ZNF385B: variants seen among roughly 807,000 people sequenced by gnomAD.
ZNF385B encodes the protein zinc finger protein 385B.
Under a neutral mutation model 39.2 loss-of-function variants are expected in ZNF385B, and 23 were observed. The observed-to-expected ratio is 0.59, with a 90% CI of 0.42 to 0.83. ZNF385B has a LOEUF of 0.83. Ranked by LOEUF, ZNF385B falls within the 40% of genes least tolerant of loss-of-function variation. ZNF385B has a pLI of 0.00. For synonymous variants in ZNF385B, 205 were observed against 222.6 expected (o/e 0.92, Z 0.70); for missense variants, 552 against 598.9 (o/e 0.92, Z 0.82).
intron 3 of ZNF385B, chr2:179,576,336 A>T (rs1685811745): frequency 4.0e-6 from 1 of 250,438 alleles, no homozygotes; most frequent in Non-Finnish European, 6.3e-6. Context: ...TCCATTTGAC[A>T]CATATGTCCT....
Position 179,450,018 on chromosome 2 carries a change from A to G in ZNF385B, c.716-3248T>C, listed in dbSNP as rs551194803. On this transcript the variant is annotated intron_variant, in intron 6 of 9. Transcript: ENST00000410066. ...AAATGGGGAAATGATTCCCTATTTA[A>G]TAAATGGTGCTGGGAAAACTGGCTA... Among the ~76,000 whole-genome samples the G allele has an allele frequency of 9.6e-3, 1,464 of 152,234 alleles. 22 individuals are homozygous for G. Among genetic ancestry groups the G allele is most frequent in the African/African-American group, 0.033 (1,355 of 41,528 alleles).
At chr2:179,726,623 CT>C (rs1701038364) in intron 3 of ZNF385B, among the ~76,000 whole-genome samples, 1 of 152,006 alleles carries the variant, frequency 6.6e-6, no homozygotes, top group Non-Finnish European at 1.5e-5. Flanking sequence ...ACAAGTCACC[CT>C]TGAGTGCTCC....
chr2:179,743,046 T>C (rs1000769915), intron 3 of ZNF385B, among the ~76,000 whole-genome samples: 7 of 152,070 alleles, frequency 4.6e-5, no homozygotes, highest in South Asian at 2.1e-4. Context: ...TTCTATGTAA[T>C]ACGACAAATG....
At position 179,756,670 on chromosome 2, in the gene ZNF385B, G is replaced by T. The variant is rs530900951; in HGVS notation, c.298+12833C>A. Among the ~76,000 whole-genome samples, 14 of 148,258 alleles carry T rather than the reference G, an allele frequency of 9.4e-5. No individual in the cohort carries two copies. In the South Asian group the frequency reaches 2.8e-3, roughly 30 times the overall value. On this transcript the variant is annotated intron_variant, in intron 3 of 9. Coordinates refer to ENST00000410066, the MANE Select transcript of ZNF385B (RefSeq NM_152520.6). ...TAGTCCCATATACCTTCGAGGCTTTGTTTGTTTCTTTTTACTCTTTTTTCT... is the reference window on the plus strand; with the variant it reads ...TAGTCCCATATACCTTCGAGGCTTTTTTTGTTTCTTTTTACTCTTTTTTCT...
intron 3 of ZNF385B, among the ~76,000 whole-genome samples, chr2:179,574,704 T>G (rs746793956): frequency 1.3e-5 from 2 of 152,162 alleles, no homozygotes; most frequent in Non-Finnish European, 2.9e-5. Context: ...ATTATATTCT[T>G]CACATAGCAT....
At chr2:179,696,326 C>CTTATTTTT (rs1698743638) in intron 3 of ZNF385B, among the ~76,000 whole-genome samples, 1 of 40,354 alleles carries the variant, frequency 2.5e-5, no homozygotes, top group Non-Finnish European at 4.1e-5. Flanking sequence ...CAAACTGGGA[C>CTTATTTTT]TTTTTTTTTT....
At chr2:179,774,764 T>C (rs1341750304) in intron 1 of ZNF385B, among the ~76,000 whole-genome samples, 1 of 152,240 alleles carries the variant, frequency 6.6e-6, no homozygotes, top group Admixed American at 6.5e-5. Flanking sequence ...AAGGAAAAAG[T>C]ATCATCACTC....
chr2:179,558,046 T>G (rs747163327), intron 3 of ZNF385B, among the ~76,000 whole-genome samples: 8 of 152,208 alleles, frequency 5.3e-5, no homozygotes, highest in Admixed American at 2.6e-4. Flanking sequence ...CACTCACATT[T>G]GTGTTGTTGG....
At chr2:179,659,209 A>G (rs1367231144) in intron 3 of ZNF385B, among the ~76,000 whole-genome samples, 1 of 152,246 alleles carries the variant, frequency 6.6e-6, no homozygotes, top group Non-Finnish European at 1.5e-5. Context: ...TGGAGATTTC[A>G]GATATCTGTT....
At chr2:179,522,992 A>C in intron 4 of ZNF385B, 1 of 367,834 alleles carries the variant, frequency 2.7e-6, no homozygotes, top group Non-Finnish European at 5.6e-6. Flanking sequence ...TGAAAATTTA[A>C]AGACCCATTT....
In ZNF385B at chr2:179,555,604, T is replaced by G. The variant is rs529024072; in HGVS notation, c.299-10635A>C. On this transcript the variant is annotated intron_variant, in intron 3 of 9. Coordinates refer to ENST00000410066, the MANE Select transcript of ZNF385B (RefSeq NM_152520.6). ...ATCTTCAAATACTGTCAAGTTTGTA[T>G]AATTTTAGGATGACAATGATGCTTT... is the stretch of plus-strand genomic sequence containing the variant. 2.7e-5 allele frequency among the ~76,000 whole-genome samples: 4 copies of G among 149,676 alleles called. 1 individual carries two copies. The highest frequency in any genetic ancestry group is 5.0e-5 in the African/African-American group (2 of 39,816).
intron 1 of ZNF385B, among the ~76,000 whole-genome samples, chr2:179,790,551 C>G (rs1368572603): frequency 6.6e-6 from 1 of 152,174 alleles, no homozygotes; most frequent in African/African-American, 2.4e-5. Context: ...TCAGATGGTT[C>G]TGAGTAGTTA....
chr2:179,754,175 C>A (rs1204922902), intron 3 of ZNF385B, among the ~76,000 whole-genome samples: 2 of 152,152 alleles, frequency 1.3e-5, no homozygotes, highest in African/African-American at 2.4e-5. Context: ...GCCTTTTCTG[C>A]ATCTACTGGG....
chr2:179,466,724 T>C (rs998263330), intron 6 of ZNF385B, among the ~76,000 whole-genome samples: 2 of 151,534 alleles, frequency 1.3e-5, no homozygotes, highest in Non-Finnish European at 2.9e-5. Flanking sequence ...AATTCAAGAC[T>C]AGCCTGGCTA....
rs357710 is a variant in ZNF385B, at chr2:179,801,883, T to G, written c.-154-31211A>C. On this transcript the variant is annotated intron_variant, in intron 1 of 9. Transcript: ENST00000410066. ...GCAGAAGGAAAGAGTCTGAGAAAAT[T>G]TTATACTTTCAAGTAAGAAATTGCT... is the stretch of plus-strand genomic sequence containing the variant. Among the ~76,000 whole-genome samples, 1,389 of 152,158 alleles carry G rather than the reference T, an allele frequency of 9.1e-3. 21 individuals are homozygous for G. The highest frequency in any genetic ancestry group is 0.032 in the African/African-American group (1,318 of 41,528).
intron 4 of ZNF385B, among the ~76,000 whole-genome samples, chr2:179,539,097 C>T (rs2059758414): frequency 6.6e-6 from 1 of 152,184 alleles, no homozygotes; most frequent in Non-Finnish European, 1.5e-5. Flanking sequence ...ATACCATATA[C>T]TGGGTAGCTT....
intron 6 of ZNF385B, among the ~76,000 whole-genome samples, chr2:179,465,633 G>A (rs568431143): frequency 3.0e-4 from 46 of 152,106 alleles, no homozygotes; most frequent in African/African-American, 8.0e-4. Context: ...CTTATTCACC[G>A]TTTAAACTAG....
intron 4 of ZNF385B, among the ~76,000 whole-genome samples, chr2:179,544,529 C>T (rs977187307): frequency 6.6e-6 from 1 of 151,780 alleles, no homozygotes; most frequent in African/African-American, 2.4e-5. Flanking sequence ...TGAATAACAT[C>T]CCAGAAATGA....
At chr2:179,497,643 AGAAG>A (rs551396218) in intron 5 of ZNF385B, among the ~76,000 whole-genome samples, 2 of 152,176 alleles carry the variant, frequency 1.3e-5, no homozygotes, top group South Asian at 2.1e-4. Context: ...AAGGAAAGAA[AGAAG>A]GAAGGAAGGA....
Sources: gnomAD v4.1 joint callset for allele counts (sites outside exome capture counted in the v4.1 genomes callset) on GRCh38, gnomAD v4.1.1 for gene constraint, MANE v1.5 for transcripts, NCBI Gene and HGNC (gene_info 2026-07-23, HGNC 2026-07-21) for gene names.